The following GCN1 variants were observed in gnomAD, a reference collection of about 807,000 sequenced individuals.
GCN1 encodes GCN1 activator of EIF2AK4.
A neutral mutation model predicts 288.4 loss-of-function variants in GCN1; 90 were observed. The ratio of observed to expected loss-of-function variants is 0.31; its 90% CI spans 0.26 to 0.37. The LOEUF (loss-of-function observed/expected upper bound fraction) is 0.37. Ranked by LOEUF, GCN1 falls within the 10% of genes least tolerant of loss-of-function variation. The probability of loss-of-function intolerance (pLI) is 1.00; values close to 1 mark genes in which losing one functional copy is unlikely to be tolerated. For synonymous variants in GCN1, 1,386 were observed against 1,420.2 expected (o/e 0.98, Z 0.54); for missense variants, 2,586 against 3,419.9 (o/e 0.76, Z 6.08).
intron 10 of GCN1, 74 bp from the exon 11 acceptor site, chr12:120,175,948 G>A (rs907079916): frequency 2.6e-5 from 39 of 1,526,482 alleles, no homozygotes; most frequent in Middle Eastern, 1.7e-4. Flanking sequence ...TCTTTTCCAT[G>A]CCCCCATCTC....
intron 5 of GCN1, among the ~76,000 whole-genome samples, chr12:120,179,901 C>G (rs1878596806): frequency 6.6e-6 from 1 of 152,206 alleles, no homozygotes; most frequent in Admixed American, 6.5e-5. Context: ...ATGGCAGGCT[C>G]TATGCTGAGC....
At chr12:120,141,072 G>A (rs907114364) in intron 44 of GCN1, 49 bp from the exon 45 acceptor site, 2 of 1,534,096 alleles carry the variant, frequency 1.3e-6, no homozygotes, top group Non-Finnish European at 8.9e-7. Context: ...AAAGCCCAGG[G>A]CACCCAGAGG....
At chr12:120,167,267 C>T (rs1371127547) in intron 16 of GCN1, among the ~76,000 whole-genome samples, 2 of 150,474 alleles carry the variant, frequency 1.3e-5, no homozygotes, top group South Asian at 2.1e-4. Context: ...GCAAGAGAAC[C>T]GCTTGAACCC....
chr12:120,176,191 T>C lies in GCN1; in HGVS notation c.865A>G (p.Thr289Ala). Residue 289 changes from threonine (T) to alanine (A), a missense_variant, in exon 10 of 58, where the codon ACG becomes GCG. Transcript: ENST00000300648. ...ETISSLLASV[T>A]LDLSQYAMDI... ...ATGGCATACTGGCTGAGGTCAAGCGTCACTGATGCCAGCAGACTAGAAATA... is the reference window on the plus strand; with the variant it reads ...ATGGCATACTGGCTGAGGTCAAGCGCCACTGATGCCAGCAGACTAGAAATA... 6.2e-7 allele frequency: 1 copy of C among 1,611,744 alleles called. No homozygotes were observed. The highest frequency in any genetic ancestry group is 2.2e-5 in the East Asian group (1 of 44,880).
At chr12:120,189,729 G>A (rs924362375) in intron 2 of GCN1, among the ~76,000 whole-genome samples, 97 of 151,996 alleles carry the variant, frequency 6.4e-4, no homozygotes, top group Non-Finnish European at 1.1e-3. Flanking sequence ...CTGTAACCCC[G>A]GCATTTTGAG....
chr12:120,156,188 T>A lies in GCN1; in HGVS notation c.3312+273A>T, dbSNP rs1416442392. The stretch of plus-strand genomic sequence containing the variant: ...GCAGTGGGCTAAAGAATTGAACTCC[T>A]CCTGCAAGTTAGCTCTGTCCGTGGA... On this transcript the variant is annotated intron_variant, in intron 28 of 57. Transcript: ENST00000300648. The surrounding 1 kb of genome is among the most constrained non-coding windows in gnomAD (Gnocchi z 5.8). Among the ~76,000 whole-genome samples, 1 of 152,198 alleles carries A rather than the reference T, an allele frequency of 6.6e-6. No homozygotes were observed. Among genetic ancestry groups the A allele is most frequent in the Non-Finnish European group, 1.5e-5 (1 of 68,034 alleles).
chr12:120,140,952 G>A lies in GCN1; in HGVS notation c.5901C>T (p.Ile1967=), dbSNP rs1877171150. ...GEKILPEIIP[I]LEEGLRSQKS... ...TCTGAGACCTCAGGCCTTCCTCAAG[G>A]ATGGGGATGATCTCGGGGAGGATTT... Residue 1967 remains isoleucine, a synonymous_variant, in exon 45 of 58, where the codon ATC becomes ATT. Coordinates refer to ENST00000300648, the MANE Select transcript of GCN1 (RefSeq NM_006836.2). 1.2e-6 allele frequency: 2 copies of A among 1,613,894 alleles called. No individual in the cohort carries two copies. The highest frequency in any genetic ancestry group is 4.5e-5 in the East Asian group (2 of 44,878).
Position 120,183,636 on chromosome 12 carries a change from G to T in GCN1, c.359C>A (p.Thr120Asn). Residue 120 changes from threonine to asparagine, a missense_variant, in exon 5 of 58, where the codon ACC becomes AAC. By Grantham distance (65) the Thr-to-Asn change is moderately conservative. Around this residue, in one of 8 missense-constraint regions of GCN1, gnomAD observed 913 missense variants for 1,107.0 expected, o/e 0.82. Coordinates refer to ENST00000300648, the MANE Select transcript of GCN1 (RefSeq NM_006836.2). ...AAAGACAATGCGCACCAGGAGGCAG[G>T]TCCAGGTCAAGGCCAGCAAGGCGGC... ...GSAALLALTW[T>N]CLLVRIVFPS... 1.2e-6 allele frequency: 2 copies of T among 1,613,810 alleles called. No homozygotes were observed. Among genetic ancestry groups the T allele is most frequent in the Non-Finnish European group, 1.7e-6 (2 of 1,179,726 alleles).
At chr12:120,178,390 C>A (rs1352488044) in intron 7 of GCN1, among the ~76,000 whole-genome samples, 1 of 145,672 alleles carries the variant, frequency 6.9e-6, no homozygotes, top group Non-Finnish European at 1.5e-5. Context: ...GAATAAGTGA[C>A]TGCATGAACA....
intron 14 of GCN1, among the ~76,000 whole-genome samples, chr12:120,171,792 T>A (rs1878321771): frequency 1.3e-5 from 2 of 152,236 alleles, no homozygotes; most frequent in Admixed American, 1.3e-4. Flanking sequence ...AGAGACTAGG[T>A]AAAACCAAGT....
chr12:120,152,973 T>C (rs938798608), intron 33 of GCN1, among the ~76,000 whole-genome samples: 3 of 150,656 alleles, frequency 2.0e-5, no homozygotes, highest in Non-Finnish European at 3.0e-5. Flanking sequence ...ACCAGGTGAG[T>C]AGAAAAAAAT....
chr12:120,172,608 C>G (rs1878346255), intron 14 of GCN1, among the ~76,000 whole-genome samples: 1 of 152,112 alleles, frequency 6.6e-6, no homozygotes, highest in Admixed American at 6.6e-5. Flanking sequence ...CTCCTGGGCT[C>G]AAGCGATTCT....
chr12:120,142,985 G>T lies in GCN1; in HGVS notation c.5496-44C>A. 1 of 1,198,508 alleles carries T rather than the reference G, an allele frequency of 8.3e-7. No homozygotes were observed. Among genetic ancestry groups the T allele is most frequent in the Non-Finnish European group, 1.2e-6 (1 of 801,398 alleles). 74.2% of individuals were successfully genotyped at this position (1,198,508 alleles called of 1,614,324 possible). ...ACACAGTCACACAGCTGCAAGGAGTGGGCTCGGCACAACTGAGCACTGCAC... is the reference window on the plus strand; with the variant it reads ...ACACAGTCACACAGCTGCAAGGAGTTGGCTCGGCACAACTGAGCACTGCAC... On this transcript the variant is annotated intron_variant, in intron 42 of 57. Coordinates refer to ENST00000300648, the MANE Select transcript of GCN1 (RefSeq NM_006836.2). This position sits in a 1 kb window ranked among gnomAD's most constrained non-coding sequence, Gnocchi z 4.9.
intron 4 of GCN1, 30 bp from the exon 5 acceptor site, chr12:120,183,707 A>G (rs770140266): frequency 1.6e-5 from 21 of 1,323,024 alleles, no homozygotes; most frequent in Admixed American, 3.4e-5. Flanking sequence ...ATGAGTTCAG[A>G]GCAGCAGCCT....
Position 120,137,509 on chromosome 12 carries a change from AG to A in GCN1, c.6663+35del, listed in dbSNP as rs763080572. 2.0e-4 allele frequency: 313 copies of A among 1,603,724 alleles called. 1 individual carries two copies. The East Asian group carries it at 7.0e-3, about 36-fold the overall frequency. On this transcript the variant is annotated intron_variant, in intron 49 of 57. Coordinates refer to ENST00000300648, the MANE Select transcript of GCN1 (RefSeq NM_006836.2). The surrounding 1 kb of genome is among the most constrained non-coding windows in gnomAD (Gnocchi z 5.2). Reference sequence around the variant, plus strand: ...CTGTAAATGTCTGGAATTTTCTAAAAGCAAAAGTTGGCTGTGGGGTCAGCAG... The same window carrying A: ...CTGTAAATGTCTGGAATTTTCTAAAACAAAAGTTGGCTGTGGGGTCAGCAG...
At chr12:120,175,710 C>T (rs1878460449) in intron 11 of GCN1, 36 bp downstream of exon 11, 3 of 1,594,398 alleles carry the variant, frequency 1.9e-6, no homozygotes, top group Admixed American at 3.6e-5. Flanking sequence ...AGGGGCCACG[C>T]CTCAACCACC....
At position 120,127,871 on chromosome 12, in the gene GCN1, A is replaced by G. The variant is rs1594254568; in HGVS notation, c.7994T>C (p.Val2665Ala). The G allele has an allele frequency of 6.2e-7, 1 of 1,613,718 alleles. No homozygotes were observed. Among genetic ancestry groups the G allele is most frequent in the African/African-American group, 1.3e-5 (1 of 74,918 alleles). The change falls in exon 58 of 58, where the codon GTG becomes GCG. Residue 2665 changes from valine (V) to alanine (A), a missense_variant. Transcript: ENST00000300648. ...LASQADSTEQ[V>A]DDTILT is the part of the protein sequence containing the mutation. ...CTCTCATGTCAGGATGGTGTCGTCC[A>G]CCTGCTCCGTGGAGTCGGCCTGGCT...
chr12:120,175,277 G>T, intron 11 of GCN1, 65 bp from the exon 12 acceptor site: 3 of 1,368,776 alleles, frequency 2.2e-6, no homozygotes, highest in Non-Finnish European at 3.1e-6. Flanking sequence ...AGTGAACAAT[G>T]CAGTCACGTG....
chr12:120,153,991 G>GCTCCCTCTCCTTGCC lies in GCN1; in HGVS notation c.3702-83_3702-82insGGCAAGGAGAGGGAG. 8.0e-7 allele frequency: 1 copy of GCTCCCTCTCCTTGCC among 1,246,006 alleles called. No homozygotes were observed. Among genetic ancestry groups the GCTCCCTCTCCTTGCC allele is most frequent in the Non-Finnish European group, 1.1e-6 (1 of 883,590 alleles). 77.2% of individuals were successfully genotyped at this position (1,246,006 alleles called of 1,614,324 possible). A position where few individuals can be genotyped will look rare whatever the true frequency, so the allele number is the denominator to read the frequency against. ...TGGAACCTCTGCTGGTGCACGGCAA[G>GCTCCCTCTCCTTGCC]GAGAGGGAGCTTGCCTGAGGCAAAC... On this transcript the variant is annotated intron_variant, in intron 31 of 57. Transcript: ENST00000300648. This position sits in a 1 kb window ranked among gnomAD's most constrained non-coding sequence, Gnocchi z 4.4.
Sources: gnomAD v4.1 joint callset for allele counts (sites outside exome capture counted in the v4.1 genomes callset) on GRCh38, gnomAD v4.1.1 for gene constraint, gnomAD v4.1.1 regional missense constraint, Gnocchi (gnomAD v3.1) non-coding constraint, MANE v1.5 for transcripts, NCBI Gene and HGNC (gene_info 2026-07-23, HGNC 2026-07-21) for gene names.